TJP2: variants seen among roughly 807,000 people sequenced by gnomAD.
The protein encoded by TJP2 is Friedreich ataxia region gene X104 (tight junction protein ZO-2).
TJP2 carries 91 observed loss-of-function variants against 133.1 expected under a neutral mutation model. The ratio of observed to expected loss-of-function variants is 0.68; its 90% CI spans 0.58 to 0.81. The LOEUF (loss-of-function observed/expected upper bound fraction) is 0.81. Ranked by LOEUF, TJP2 falls within the 40% of genes least tolerant of loss-of-function variation. The probability of loss-of-function intolerance (pLI) is 0.00; values close to 1 mark genes in which losing one functional copy is unlikely to be tolerated. For missense variants in TJP2, 1,541 were observed against 1,565.6 expected, an observed-to-expected ratio of 0.98 and a Z score of 0.26; for synonymous variants, 592 against 583.4, an observed-to-expected ratio of 1.01 and a Z score of -0.21.
At chr9:69,169,326 ATTGT>A (rs908081828), upstream of TJP2, among the ~76,000 whole-genome samples, 2 of 147,842 alleles carry the variant, frequency 1.4e-5, no homozygotes, top group Admixed American at 6.9e-5. Flanking sequence ...CGTTAACTAA[ATTGT>A]TTGGTGAACC....
chr9:69,249,490 G>A lies in TJP2; in HGVS notation c.2991+5G>A, dbSNP rs376642569. The A allele has an allele frequency of 2.3e-5, 36 of 1,598,746 alleles. No individual in the cohort carries two copies. Among genetic ancestry groups the A allele is most frequent in the Middle Eastern group, 3.3e-4 (2 of 6,034 alleles). ...TTCAAGCCAGAGCCGCCCAAGGTAC[G>A]TGGCTGGGAAGCCCAGGATGGGAAG... On this transcript the variant is annotated splice_donor_5th_base_variant and intron_variant, in intron 20 of 22. Transcript: ENST00000377245.
Position 69,237,897 on chromosome 9 carries a change from G to C in TJP2, c.2199G>C (p.Val733=), listed in dbSNP as rs1285134896. The part of the protein sequence containing the change: ...LLREAGFKRP[V]VLFGPIADIA... The stretch of plus-strand genomic sequence containing the variant: ...TTTCAGCTGGTTTCAAGAGACCTGT[G>C]GTCTTATTCGGCCCCATAGCTGATA... Residue 733 remains valine, a synonymous_variant, in exon 15 of 23, where the codon GTG becomes GTC. Coordinates refer to ENST00000377245, the MANE Select transcript of TJP2 (RefSeq NM_004817.4). 2 of 1,613,606 alleles carry C rather than the reference G, an allele frequency of 1.2e-6. No homozygotes were observed. Among genetic ancestry groups the C allele is most frequent in the Non-Finnish European group, 1.7e-6 (2 of 1,179,754 alleles).
intron 1 of TJP2, among the ~76,000 whole-genome samples, chr9:69,142,983 G>C (rs1261803215): frequency 6.6e-6 from 1 of 152,172 alleles, no homozygotes; most frequent in African/African-American, 2.4e-5. Context: ...ATTTTGGCTA[G>C]ATTTGTTATT....
intron 1 of TJP2, among the ~76,000 whole-genome samples, chr9:69,192,352 G>C (rs1826259089): frequency 1.3e-5 from 2 of 152,112 alleles, no homozygotes; most frequent in Non-Finnish European, 2.9e-5. Context: ...TGAGGTGAGT[G>C]TTATTCACTG....
chr9:69,170,972 TC>T (rs200638823), upstream of TJP2, among the ~76,000 whole-genome samples: 38,788 of 152,150 alleles, frequency 0.25, 5,236 homozygotes, highest in South Asian at 0.39. Flanking sequence ...CCTCAAATAC[TC>T]ATCAGTGCCT....
At chr9:69,193,203 A>T (rs554306317) in intron 1 of TJP2, among the ~76,000 whole-genome samples, 49 of 152,088 alleles carry the variant, frequency 3.2e-4, no homozygotes, top group Non-Finnish European at 6.5e-4. Flanking sequence ...GGCATGAGCC[A>T]CCGTGCCTGG....
At chr9:69,218,013 G>A (rs1313016103) in intron 3 of TJP2, among the ~76,000 whole-genome samples, 1 of 152,114 alleles carries the variant, frequency 6.6e-6, no homozygotes, top group East Asian at 1.9e-4. Flanking sequence ...TGTGGTTTGG[G>A]GAGATCAGGC....
intron 1 of TJP2, among the ~76,000 whole-genome samples, chr9:69,145,401 G>A (rs1048667053): frequency 3.9e-5 from 6 of 152,188 alleles, no homozygotes; most frequent in East Asian, 1.9e-4. Context: ...ATTTATGTGC[G>A]GATTAATTGG....
In TJP2 at chr9:69,179,149, ACT is replaced by A. The variant is rs147856073; in HGVS notation, c.60+4722_60+4723del. ...AGAAGAGAAAATACTGTTTCAGTAG[ACT>A]CTCTAGTGATGTGTGTGTTCACACC... On this transcript the variant is annotated intron_variant, in intron 1 of 22. Coordinates refer to ENST00000377245, the MANE Select transcript of TJP2 (RefSeq NM_004817.4). Among the ~76,000 whole-genome samples the A allele has an allele frequency of 1.4e-3, 211 of 152,218 alleles. 4 individuals carry two copies. The East Asian group carries it at 0.037, about 27-fold the overall frequency.
chr9:69,137,255 T>C (rs1345101705), intron 1 of TJP2, among the ~76,000 whole-genome samples: 3 of 28,990 alleles, frequency 1.0e-4, no homozygotes, highest in East Asian at 8.9e-3. Context: ...CTCTCTTTCT[T>C]TCTTTCTTTC....
chr9:69,135,534 G>A (rs533612166), intron 1 of TJP2, among the ~76,000 whole-genome samples: 3 of 152,120 alleles, frequency 2.0e-5, no homozygotes, highest in South Asian at 4.2e-4. Context: ...TCTGCCTCCC[G>A]GATTCAGGTG....
At chr9:69,166,076 G>A (rs892989977) in intron 2 of TJP2, among the ~76,000 whole-genome samples, 2 of 152,072 alleles carry the variant, frequency 1.3e-5, no homozygotes, top group Non-Finnish European at 2.9e-5. Context: ...TTCTTAATCC[G>A]TTCAGGCCAT....
chr9:69,153,434 A>G (rs1304621008), intron 2 of TJP2, among the ~76,000 whole-genome samples: 1 of 152,084 alleles, frequency 6.6e-6, no homozygotes, highest in East Asian at 1.9e-4. Flanking sequence ...AATACAAAAT[A>G]TTAGCCAGGC....
Position 69,225,379 on chromosome 9 carries a change from A to G in TJP2, c.1028A>G (p.Asn343Ser), listed in dbSNP as rs763855572. The G allele has an allele frequency of 1.9e-6, 3 of 1,613,686 alleles. No homozygotes were observed. Among genetic ancestry groups the G allele is most frequent in the African/African-American group, 1.3e-5 (1 of 74,912 alleles). Residue 343 changes from asparagine to serine, a missense_variant, in exon 6 of 23, where the codon AAC becomes AGC. Asn to Ser is a conservative substitution (Grantham distance 46). Transcript: ENST00000377245. ...TRTGLATKDGNLHEGDIILKI... is the reference protein window; with the variant it reads ...TRTGLATKDGSLHEGDIILKI... ...ACGGGTCTGGCAACTAAAGATGGCA[A>G]CCTTCACGAAGGAGACATAATTCTC... is the stretch of plus-strand genomic sequence containing the variant.
chr9:69,131,575 G>C (rs935159915), intron 1 of TJP2, among the ~76,000 whole-genome samples: 3 of 152,170 alleles, frequency 2.0e-5, no homozygotes, highest in African/African-American at 7.2e-5. Flanking sequence ...CCTGCCCCAA[G>C]GTGTTCTCTG....
Position 69,254,327 on chromosome 9 carries a change from C to T in TJP2, c.3526C>T (p.Arg1176Cys), listed in dbSNP as rs764463413. 2.5e-6 allele frequency: 4 copies of T among 1,614,112 alleles called. No homozygotes were observed. The highest frequency in any genetic ancestry group is 1.3e-5 in the African/African-American group (1 of 74,936). Residue 1176 changes from arginine to cysteine, a missense_variant, in exon 23 of 23, where the codon CGC (arginine) becomes TGC (cysteine). Coordinates refer to ENST00000377245, the MANE Select transcript of TJP2 (RefSeq NM_004817.4). ...CCAGCAGCTGTCAGAACACTCCAAG[C>T]GCGGTTACTATGGCCAGTCTGCCCG... Reference protein sequence around the residue: ...YRQQLSEHSKRGYYGQSARYR... With the variant: ...YRQQLSEHSKCGYYGQSARYR...
At chr9:69,152,915 C>G (rs573465120) in intron 2 of TJP2, among the ~76,000 whole-genome samples, 1 of 146,820 alleles carries the variant, frequency 6.8e-6, no homozygotes, top group South Asian at 2.2e-4. Context: ...ACTGCAAGCT[C>G]CGCCCTCTGG....
intron 2 of TJP2, among the ~76,000 whole-genome samples, chr9:69,163,187 G>A (rs1253260089): frequency 2.8e-5 from 3 of 106,496 alleles, no homozygotes; most frequent in Non-Finnish European, 3.8e-5. Flanking sequence ...CACTACGCCC[G>A]GCTAATTTTT....
At chr9:69,241,094 T>C (rs113641534) in intron 17 of TJP2, among the ~76,000 whole-genome samples, 2,219 of 152,340 alleles carry the variant, frequency 0.015, 27 homozygotes, top group Non-Finnish European at 0.024. Context: ...TCGGAGTTCA[T>C]TAAACTGCTA....
Sources: gnomAD v4.1 joint callset for allele counts (sites outside exome capture counted in the v4.1 genomes callset) on GRCh38, gnomAD v4.1.1 for gene constraint, MANE v1.5 for transcripts, NCBI Gene and HGNC (gene_info 2026-07-23, HGNC 2026-07-21) for gene names.